Variants in CCR5AS observed in about 807,000 individuals in gnomAD.
The protein encoded by CCR5AS is CCR5 antisense RNA.
At chr3:46,399,293 C>G (rs965080685) in intron 1 of CCR5AS, among the ~76,000 whole-genome samples, 6 of 152,174 alleles carry the variant, frequency 3.9e-5, no homozygotes, top group Non-Finnish European at 7.3e-5. Context: ...GATGCATTAG[C>G]TGCCCCAGCA....
chr3:46,372,796 TA>T, intron 2 of CCR5AS: 1 of 855,826 alleles, frequency 1.2e-6, no homozygotes, highest in East Asian at 2.4e-5. Context: ...TGTAGGCAAT[TA>T]AAAACCTATT....
intron 2 of CCR5AS, among the ~76,000 whole-genome samples, chr3:46,388,427 G>A (rs1462193780): frequency 1.3e-5 from 2 of 152,186 alleles, no homozygotes; most frequent in East Asian, 3.8e-4. Context: ...CACAAGGTCT[G>A]AATAAGAGAA....
At chr3:46,364,492 C>T (rs563056144) in exon 4 of CCR5AS, among the ~76,000 whole-genome samples, 3 of 152,268 alleles carry the variant, frequency 2.0e-5, no homozygotes, top group East Asian at 1.9e-4. Flanking sequence ...TGCACCATGT[C>T]GATCAAGAGC....
chr3:46,370,645 G>A (rs1701648887), intron 3 of CCR5AS, among the ~76,000 whole-genome samples: 1 of 152,176 alleles, frequency 6.6e-6, no homozygotes, highest in Admixed American at 6.5e-5. Flanking sequence ...TTGACTAGAT[G>A]AATGTAAATG....
Position 46,369,446 on chromosome 3 carries a change from T to TG in CCR5AS, n.565+1797dup, listed in dbSNP as rs1354674013. On this transcript the variant is annotated intron_variant and non_coding_transcript_variant, in intron 3 of 3. Transcript: ENST00000451485. ...CATATGTCCCTATATGGGGCGGGGG[T>TG]GGGGGTGTCTTGATCGCTGGGCTAT... Among the ~76,000 whole-genome samples, 4 of 99,406 alleles carry TG rather than the reference T, an allele frequency of 4.0e-5. No homozygotes were observed. The East Asian group carries it at 1.0e-3, about 25-fold the overall frequency. The allele number at this position is 99,406 out of a possible 152,430, so 65.2% of individuals were successfully genotyped here. A position where few individuals can be genotyped will look rare whatever the true frequency, so the allele number is the denominator to read the frequency against.
chr3:46,380,616 G>A (rs1168510802), intron 2 of CCR5AS, among the ~76,000 whole-genome samples: 1 of 152,232 alleles, frequency 6.6e-6, no homozygotes. Context: ...ACAGCGGCAT[G>A]TTTTGATGGT....
chr3:46,394,266 G>A (rs775701780), intron 1 of CCR5AS, among the ~76,000 whole-genome samples: 4 of 152,138 alleles, frequency 2.6e-5, no homozygotes, highest in African/African-American at 4.8e-5. Context: ...ACATCAACAG[G>A]GCTGTGGCTG....
intron 3 of CCR5AS, among the ~76,000 whole-genome samples, chr3:46,368,836 C>G (rs962382569): frequency 6.6e-5 from 10 of 152,080 alleles, no homozygotes; most frequent in Admixed American, 2.6e-4. Context: ...CCTCCAATAC[C>G]CTAATGACAG....
At chr3:46,380,165 C>T (rs1405399428) in intron 2 of CCR5AS, among the ~76,000 whole-genome samples, 1 of 152,006 alleles carries the variant, frequency 6.6e-6, no homozygotes, top group Non-Finnish European at 1.5e-5. Flanking sequence ...AGGGTGAGTT[C>T]CATGGCAACC....
At chr3:46,384,826 T>C (rs1026067126) in intron 2 of CCR5AS, among the ~76,000 whole-genome samples, 1 of 151,816 alleles carries the variant, frequency 6.6e-6, no homozygotes, top group Non-Finnish European at 1.5e-5. Context: ...AGATGATAGA[T>C]AGGTAGATAG....
At chr3:46,368,012 T>C (rs1442948521) in intron 3 of CCR5AS, among the ~76,000 whole-genome samples, 1 of 152,230 alleles carries the variant, frequency 6.6e-6, no homozygotes, top group Non-Finnish European at 1.5e-5. Flanking sequence ...CTGCTCACTG[T>C]GCTCATGTAG....
At chr3:46,371,824 G>A (rs776616153) in intron 2 of CCR5AS, among the ~76,000 whole-genome samples, 1 of 152,218 alleles carries the variant, frequency 6.6e-6, no homozygotes, top group African/African-American at 2.4e-5. Context: ...ACAATTGGCT[G>A]TTGTCATCTA....
chr3:46,379,829 G>A (rs1259621467), intron 2 of CCR5AS, among the ~76,000 whole-genome samples: 2 of 151,996 alleles, frequency 1.3e-5, no homozygotes, highest in Admixed American at 6.6e-5. Context: ...CCTGGGAGGT[G>A]GAAGTTGCAG....
intron 3 of CCR5AS, among the ~76,000 whole-genome samples, chr3:46,366,549 A>G (rs989891089): frequency 1.3e-5 from 2 of 152,238 alleles, no homozygotes; most frequent in African/African-American, 4.8e-5. Flanking sequence ...TCCATGAGGT[A>G]GACAGCCTGC....
intron 3 of CCR5AS, among the ~76,000 whole-genome samples, chr3:46,366,583 T>C (rs765619270): frequency 1.3e-5 from 2 of 152,152 alleles, no homozygotes; most frequent in African/African-American, 2.4e-5. Context: ...GTTTGATGAA[T>C]TGCACAAATC....
At chr3:46,404,477 G>A (rs958099998) in intron 1 of CCR5AS, among the ~76,000 whole-genome samples, 4 of 151,854 alleles carry the variant, frequency 2.6e-5, no homozygotes, top group African/African-American at 9.7e-5. Context: ...TGGGATTACG[G>A]GCACCCATCG....
intron 2 of CCR5AS, among the ~76,000 whole-genome samples, chr3:46,390,628 T>C (rs1421757205): frequency 6.6e-6 from 1 of 151,926 alleles, no homozygotes; most frequent in Non-Finnish European, 1.5e-5. Context: ...GGTGGGGAGA[T>C]ACAAGGGGAG....
chr3:46,370,306 C>T (rs2106739831), intron 3 of CCR5AS, among the ~76,000 whole-genome samples: 1 of 152,194 alleles, frequency 6.6e-6, no homozygotes, highest in Non-Finnish European at 1.5e-5. Flanking sequence ...ACCTGTTTAG[C>T]TCACCCGTGA....
At chr3:46,377,290 G>C (rs1008952604) in intron 2 of CCR5AS, among the ~76,000 whole-genome samples, 2 of 152,196 alleles carry the variant, frequency 1.3e-5, no homozygotes, top group African/African-American at 4.8e-5. Context: ...ACTCCTTGGA[G>C]TTTCAACTCA....
Sources: gnomAD v4.1 joint callset for allele counts (sites outside exome capture counted in the v4.1 genomes callset) on GRCh38, gnomAD v4.1.1 for gene constraint, MANE v1.5 for transcripts, NCBI Gene and HGNC (gene_info 2026-07-23, HGNC 2026-07-21) for gene names.